The following PCDH15 variants were observed in gnomAD, a reference collection of about 807,000 sequenced individuals.
The protein encoded by PCDH15 is protocadherin related 15.
In PCDH15, 129 loss-of-function variants were observed where a neutral mutation model predicts 178.5. The ratio of observed to expected loss-of-function variants is 0.72; its 90% CI spans 0.63 to 0.84. The LOEUF (loss-of-function observed/expected upper bound fraction) is 0.84, where lower values mean the gene tolerates loss of function less well. PCDH15 is among the 40% of genes least tolerant of loss of function. The pLI is 0.00. For synonymous variants in PCDH15, 800 were observed against 732.0 expected, an observed-to-expected ratio of 1.09 and a Z score of -1.50; for missense variants, 2,230 against 2,099.9, an observed-to-expected ratio of 1.06 and a Z score of -1.21.
chr10:54,379,927 A>G (rs74866121), intron 3 of PCDH15, among the ~76,000 whole-genome samples: 2,958 of 152,226 alleles, frequency 0.019, 103 homozygotes, highest in African/African-American at 0.068. Flanking sequence ...TCAAGAATAT[A>G]CAGAGAATCC....
Position 54,329,638 on chromosome 10 carries a change from G to A in PCDH15, c.663C>T (p.Asn221=). Residue 221 remains asparagine (N), a synonymous_variant, in exon 7 of 38, where the codon AAC becomes AAT. Transcript: ENST00000644397. ...CAAAGTAGCGAGTCTTATCTTCATA[G>A]TTGAGCCTCTTCCTTAACACTATAT... The part of the protein sequence containing the change: ...TGNIVLRKRL[N]YEDKTRYFVI... 1 of 1,608,916 alleles carries A rather than the reference G, an allele frequency of 6.2e-7. No homozygotes were observed. Among genetic ancestry groups the A allele is most frequent in the Non-Finnish European group, 8.5e-7 (1 of 1,175,650 alleles).
chr10:54,196,753 AGAGC>A (rs2049711050), intron 10 of PCDH15, among the ~76,000 whole-genome samples: 1 of 152,158 alleles, frequency 6.6e-6, no homozygotes, highest in Non-Finnish European at 1.5e-5. Flanking sequence ...TGGTGAGGGC[AGAGC>A]CCTCATTAAT....
chr10:55,334,470 G>T (rs1355030146), intron 2 of PCDH15, among the ~76,000 whole-genome samples: 1 of 150,850 alleles, frequency 6.6e-6, no homozygotes, highest in African/African-American at 2.4e-5. Context: ...ACCATGCCTG[G>T]CTAATTTTGT....
chr10:55,414,176 G>A (rs1838417951), intron 2 of PCDH15, among the ~76,000 whole-genome samples: 1 of 151,400 alleles, frequency 6.6e-6, no homozygotes, highest in Admixed American at 6.6e-5. Flanking sequence ...CATTAAAAGT[G>A]TGCCTTTGTA....
intron 2 of PCDH15, among the ~76,000 whole-genome samples, chr10:55,403,448 C>T (rs1416390927): frequency 6.6e-6 from 1 of 151,754 alleles, no homozygotes; most frequent in Non-Finnish European, 1.5e-5. Context: ...AATCTTTGCA[C>T]ACACCAATCT....
intron 2 of PCDH15, among the ~76,000 whole-genome samples, chr10:55,456,707 T>A (rs1839561573): frequency 6.6e-6 from 1 of 152,010 alleles, no homozygotes; most frequent in Admixed American, 6.6e-5. Context: ...TATGTAAGAA[T>A]CATAAATTTA....
At chr10:55,002,744 G>T (rs564960452) in intron 2 of PCDH15, among the ~76,000 whole-genome samples, 133 of 152,280 alleles carry the variant, frequency 8.7e-4, no homozygotes, top group Non-Finnish European at 1.4e-3. Context: ...TATTATGGAA[G>T]AAGTGGGCAT....
chr10:54,749,647 A>C (rs1566118510), intron 1 of PCDH15, among the ~76,000 whole-genome samples: 3 of 152,172 alleles, frequency 2.0e-5, no homozygotes, highest in Non-Finnish European at 2.9e-5. Context: ...GAATTGAAAA[A>C]AGAAATACTC....
Position 54,734,546 on chromosome 10 carries a change from C to A in PCDH15, c.-29+66379G>T, listed in dbSNP as rs11004523. 9.5e-3 allele frequency among the ~76,000 whole-genome samples: 1,441 copies of A among 151,964 alleles called. 21 individuals are homozygous for A. Among genetic ancestry groups the A allele is most frequent in the East Asian group, 0.055 (285 of 5,140 alleles). On this transcript the variant is annotated intron_variant, in intron 1 of 37. Transcript: ENST00000644397. ...CTACCAAATGACCTTGCATCACCAC[C>A]CCTAGGTATTTACCCAAAACAGATT... is the stretch of plus-strand genomic sequence containing the variant.
At chr10:53,945,552 TC>T (rs1187777562) in intron 23 of PCDH15, among the ~76,000 whole-genome samples, 2 of 151,978 alleles carry the variant, frequency 1.3e-5, no homozygotes, top group African/African-American at 2.4e-5. Context: ...GACAAATATC[TC>T]CCCAATCCTT....
At chr10:54,152,386 G>A (rs2044625983) in intron 14 of PCDH15, among the ~76,000 whole-genome samples, 1 of 151,586 alleles carries the variant, frequency 6.6e-6, no homozygotes, top group Admixed American at 6.6e-5. Context: ...ACTTATTAAG[G>A]AATATGTTTA....
intron 2 of PCDH15, among the ~76,000 whole-genome samples, chr10:54,657,861 T>C (rs2094434766): frequency 6.6e-6 from 1 of 151,970 alleles, no homozygotes; most frequent in African/African-American, 2.4e-5. Flanking sequence ...CTAACCAAAA[T>C]GAAAATCCTG....
chr10:54,308,682 G>A lies in PCDH15; in HGVS notation c.876+8589C>T, dbSNP rs138211606. ...AATTTCTGGGTTACATGTGCAGAAC[G>A]TGCAGGTTTGTAACATAGGTATACA... On this transcript the variant is annotated intron_variant, in intron 8 of 37. Coordinates refer to ENST00000644397, the MANE Select transcript of PCDH15 (RefSeq NM_001384140.1). Among the ~76,000 whole-genome samples, 22 of 151,992 alleles carry A rather than the reference G, an allele frequency of 1.4e-4. No individual in the cohort carries two copies. In the East Asian group the frequency reaches 2.5e-3, roughly 17 times the overall value.
At chr10:54,019,110 A>G (rs2135268189) in intron 20 of PCDH15, among the ~76,000 whole-genome samples, 1 of 151,966 alleles carries the variant, frequency 6.6e-6, no homozygotes, top group Non-Finnish European at 1.5e-5. Context: ...TTCCTTTCTG[A>G]CCAGCCCTTT....
At chr10:55,154,325 G>A (rs12358445) in intron 2 of PCDH15, among the ~76,000 whole-genome samples, 81,986 of 151,846 alleles carry the variant, frequency 0.54, 23,878 homozygotes, top group Non-Finnish European at 0.65. Flanking sequence ...GTAAAAGTCC[G>A]TTCATTTGTA....
chr10:53,854,293 C>G (rs1270972522), intron 28 of PCDH15, among the ~76,000 whole-genome samples: 2 of 151,832 alleles, frequency 1.3e-5, no homozygotes, highest in East Asian at 1.9e-4. Flanking sequence ...TAATGGGTAC[C>G]AAATTTCAGT....
Position 53,883,912 on chromosome 10 carries a change from C to T in PCDH15, c.3502-17055G>A, listed in dbSNP as rs7077441. Reference sequence around the variant, plus strand: ...TGTATTTTTAGTAGAGACGGGCTTTCACCATGTTGGCCAGGCTGGTCTTGA... The same window carrying T: ...TGTATTTTTAGTAGAGACGGGCTTTTACCATGTTGGCCAGGCTGGTCTTGA... On this transcript the variant is annotated intron_variant, in intron 26 of 37. Coordinates refer to ENST00000644397, the MANE Select transcript of PCDH15 (RefSeq NM_001384140.1). Among the ~76,000 whole-genome samples the T allele has an allele frequency of 9.7e-3, 1,469 of 152,210 alleles. 26 individuals are homozygous for T. The highest frequency in any genetic ancestry group is 0.031 in the African/African-American group (1,289 of 41,538).
At chr10:54,890,700 G>T (rs925936769) in intron 3 of PCDH15, among the ~76,000 whole-genome samples, 45 of 151,946 alleles carry the variant, frequency 3.0e-4, no homozygotes, top group African/African-American at 1.0e-3. Context: ...GATACCATTT[G>T]TCTTTATCCA....
At chr10:54,120,450 C>G (rs1237835699) in intron 15 of PCDH15, among the ~76,000 whole-genome samples, 1 of 152,076 alleles carries the variant, frequency 6.6e-6, no homozygotes, top group African/African-American at 2.4e-5. Flanking sequence ...AAATGCCACC[C>G]TTAAAAGGCA....
Sources: allele counts gnomAD v4.1 joint callset (sites outside exome capture counted in the v4.1 genomes callset), GRCh38; gene constraint gnomAD v4.1.1; transcripts MANE v1.5; gene names NCBI Gene and HGNC (gene_info 2026-07-23, HGNC 2026-07-21).